Variants in LRBA observed in about 807,000 individuals in gnomAD.
The protein encoded by LRBA is LPS responsive beige-like anchor protein.
Under a neutral mutation model 330.0 loss-of-function variants are expected in LRBA, and 176 were observed. That is an observed-to-expected ratio of 0.53 (90% confidence interval 0.47 to 0.60). The LOEUF (loss-of-function observed/expected upper bound fraction) is 0.60, where lower values mean the gene tolerates loss of function less well. Ranked by LOEUF, LRBA falls within the 20% of genes least tolerant of loss-of-function variation. LRBA has a pLI of 0.00. For synonymous variants in LRBA, 1,230 were observed against 1,193.0 expected, an observed-to-expected ratio of 1.03 and a Z score of -0.64; for missense variants, 3,259 against 3,444.8, an observed-to-expected ratio of 0.95 and a Z score of 1.35.
intron 2 of LRBA, among the ~76,000 whole-genome samples, chr4:150,995,254 T>C (rs569781314): frequency 6.6e-6 from 1 of 150,568 alleles, no homozygotes; most frequent in Non-Finnish European, 1.5e-5. Context: ...CAAACACCAA[T>C]CCAGCCAAGA....
chr4:150,564,603 T>C (rs920947949), intron 40 of LRBA, among the ~76,000 whole-genome samples: 16 of 152,042 alleles, frequency 1.1e-4, no homozygotes, highest in African/African-American at 3.6e-4. Flanking sequence ...ACAGGCAACC[T>C]ACAGAATGGG....
In LRBA at chr4:150,799,807, C is replaced by A. The variant is rs577134631; in HGVS notation, c.5519-1665G>T. On this transcript the variant is annotated intron_variant, in intron 33 of 56. Transcript: ENST00000651943. Reference sequence around the variant, plus strand: ...TCACCCAGGCTGGAGTGCAATGGCACGATCTCAGCTCACCACAACCTCCAC... The same window carrying A: ...TCACCCAGGCTGGAGTGCAATGGCAAGATCTCAGCTCACCACAACCTCCAC... 1.2e-3 allele frequency among the ~76,000 whole-genome samples: 178 copies of A among 152,266 alleles called. 2 individuals carry two copies. Among genetic ancestry groups the A allele is most frequent in the Admixed American group, 0.011 (167 of 15,294 alleles).
chr4:150,441,190 A>C (rs1222182229), intron 44 of LRBA, among the ~76,000 whole-genome samples: 2 of 152,054 alleles, frequency 1.3e-5, no homozygotes, highest in Non-Finnish European at 2.9e-5. Flanking sequence ...AGTAAGCCTG[A>C]TGAAATTAAT....
In LRBA at chr4:150,897,200, T is replaced by C. The variant is rs949681080; in HGVS notation, c.2004+539A>G. Among the ~76,000 whole-genome samples, 4 of 151,954 alleles carry C rather than the reference T, an allele frequency of 2.6e-5. 1 individual carries two copies. The highest frequency in any genetic ancestry group is 7.2e-5 in the African/African-American group (3 of 41,406). On this transcript the variant is annotated intron_variant, in intron 15 of 56. Transcript: ENST00000651943. ...ACTAATAAAGCATTATAAAATCATA[T>C]AGGAAAATACTGAAAAAATATTGGT...
intron 2 of LRBA, among the ~76,000 whole-genome samples, chr4:150,987,914 A>C (rs989009581): frequency 6.6e-6 from 1 of 151,684 alleles, no homozygotes; most frequent in African/African-American, 2.4e-5. Context: ...AGGCAGGAGA[A>C]TCGCTTGAAC....
At chr4:150,538,005 C>T (rs896953606) in intron 40 of LRBA, among the ~76,000 whole-genome samples, 6 of 151,820 alleles carry the variant, frequency 4.0e-5, no homozygotes, top group Non-Finnish European at 8.8e-5. Flanking sequence ...CAAATGTGTC[C>T]AATGTGCAAC....
chr4:150,288,096 A>G (rs1748371950), intron 53 of LRBA, among the ~76,000 whole-genome samples: 1 of 150,762 alleles, frequency 6.6e-6, no homozygotes, highest in African/African-American at 2.4e-5. Flanking sequence ...GGTTCACACC[A>G]TTCTCCTGCC....
At chr4:150,503,277 G>T (rs1004371847) in intron 40 of LRBA, among the ~76,000 whole-genome samples, 1 of 152,182 alleles carries the variant, frequency 6.6e-6, no homozygotes, top group South Asian at 2.1e-4. Context: ...CCTGACCCCC[G>T]AGTAGCCTAA....
chr4:150,966,311 CT>C (rs1178356221), intron 2 of LRBA, among the ~76,000 whole-genome samples: 321 of 142,128 alleles, frequency 2.3e-3, no homozygotes, highest in Middle Eastern at 7.2e-3. Context: ...CTAGTTCATT[CT>C]TTTTTTTTTT....
intron 26 of LRBA, 52 bp from the exon 27 acceptor site, chr4:150,844,831 T>C: frequency 6.8e-7 from 1 of 1,473,592 alleles, no homozygotes; most frequent in Non-Finnish European, 9.4e-7. Context: ...ATATTTAAGA[T>C]TATGGAAGTG....
chr4:150,621,500 C>G (rs1776287200), intron 37 of LRBA, among the ~76,000 whole-genome samples: 1 of 152,114 alleles, frequency 6.6e-6, no homozygotes, highest in Non-Finnish European at 1.5e-5. Flanking sequence ...AGCACTAGTT[C>G]TGATTTTATA....
At chr4:150,568,315 T>C (rs1335938209) in intron 40 of LRBA, among the ~76,000 whole-genome samples, 1 of 152,148 alleles carries the variant, frequency 6.6e-6, no homozygotes, top group African/African-American at 2.4e-5. Context: ...ACTTTAAGGA[T>C]TTTAAAGCAC....
At chr4:150,694,928 A>G (rs962534245) in intron 36 of LRBA, among the ~76,000 whole-genome samples, 2 of 151,890 alleles carry the variant, frequency 1.3e-5, no homozygotes, top group Non-Finnish European at 2.9e-5. Context: ...TTTTTCTGTG[A>G]ACTCTTAACA....
chr4:150,694,148 T>C (rs1784402902), intron 36 of LRBA, among the ~76,000 whole-genome samples: 1 of 152,112 alleles, frequency 6.6e-6, no homozygotes, highest in Non-Finnish European at 1.5e-5. Context: ...AGTCACTGTT[T>C]AGAGTAAGAT....
intron 28 of LRBA, among the ~76,000 whole-genome samples, chr4:150,836,810 T>A (rs1466558275): frequency 3.3e-5 from 5 of 152,192 alleles, no homozygotes; most frequent in Non-Finnish European, 5.9e-5. Context: ...TCTACTCTGA[T>A]CTTAGTTATT....
intron 14 of LRBA, among the ~76,000 whole-genome samples, chr4:150,898,668 G>A (rs1437120673): frequency 6.9e-6 from 1 of 143,966 alleles, no homozygotes; most frequent in Non-Finnish European, 1.5e-5. Flanking sequence ...TAAGACTAGA[G>A]TTAGAAGAGG....
At chr4:150,753,196 C>T (rs534410780) in intron 35 of LRBA, among the ~76,000 whole-genome samples, 2 of 152,300 alleles carry the variant, frequency 1.3e-5, no homozygotes, top group South Asian at 4.1e-4. Context: ...TTAACTTTCT[C>T]ATATCACTTA....
chr4:150,964,820 A>C (rs925642820), intron 2 of LRBA, among the ~76,000 whole-genome samples: 8 of 152,282 alleles, frequency 5.3e-5, no homozygotes, highest in African/African-American at 1.7e-4. Flanking sequence ...AATGATCAAT[A>C]AATACTAAAA....
At chr4:150,674,903 C>A (rs891957153) in intron 37 of LRBA, among the ~76,000 whole-genome samples, 2 of 151,882 alleles carry the variant, frequency 1.3e-5, no homozygotes, top group Non-Finnish European at 2.9e-5. Flanking sequence ...GAACAAAAAC[C>A]AAACTAATAC....
Sources: gnomAD v4.1 joint callset for allele counts (sites outside exome capture counted in the v4.1 genomes callset) on GRCh38, gnomAD v4.1.1 for gene constraint, MANE v1.5 for transcripts, NCBI Gene and HGNC (gene_info 2026-07-23, HGNC 2026-07-21) for gene names.